NSG2: variants seen among roughly 807,000 people sequenced by gnomAD.
NSG2 encodes neuronal vesicle trafficking-associated protein 2.
NSG2 carries 4 observed loss-of-function variants against 16.9 expected under a neutral mutation model. The observed-to-expected ratio is 0.24, with a 90% CI of 0.12 to 0.54. NSG2 has a LOEUF of 0.54. NSG2 is among the 20% of genes least tolerant of loss of function. The pLI is 0.95. For synonymous variants in NSG2, 98 were observed against 88.7 expected (o/e 1.11, Z -0.59); for missense variants, 179 against 221.1 (o/e 0.81, Z 1.21).
intron 3 of NSG2, among the ~76,000 whole-genome samples, chr5:174,069,432 T>G (rs1393010542): frequency 1.3e-5 from 2 of 152,114 alleles, no homozygotes; most frequent in Non-Finnish European, 2.9e-5. Flanking sequence ...ACAGCTGTCC[T>G]CCAGGGAGAT....
chr5:174,078,848 C>A (rs1760393511), intron 3 of NSG2, among the ~76,000 whole-genome samples: 1 of 152,162 alleles, frequency 6.6e-6, no homozygotes, highest in African/African-American at 2.4e-5. Flanking sequence ...TCTTAGGTCT[C>A]TCAACTTTCA....
At chr5:174,047,578 TA>T (rs953635730) in intron 2 of NSG2, among the ~76,000 whole-genome samples, 2 of 152,182 alleles carry the variant, frequency 1.3e-5, no homozygotes, top group Non-Finnish European at 2.9e-5. Flanking sequence ...AAGGCATTTT[TA>T]AGGCAAAGGG....
In NSG2 at chr5:174,107,431, C is replaced by T. The variant is rs750816400; in HGVS notation, c.442C>T (p.Arg148Trp). 6.2e-6 allele frequency: 10 copies of T among 1,612,898 alleles called. No homozygotes were observed. Among genetic ancestry groups the T allele is most frequent in the East Asian group, 2.2e-5 (1 of 44,832 alleles). The change falls in exon 5 of 5, where the codon CGG (arginine) becomes TGG (tryptophan). Residue 148 changes from arginine to tryptophan, a missense_variant. Arg to Trp is a moderately radical substitution (Grantham distance 101). Transcript: ENST00000303177. The surrounding 1 kb of genome is among the most constrained non-coding windows in gnomAD (Gnocchi z 4.5). ...HYSVAKQSTA[R>W]AIGPWLSAAA... ...CAGCGTGGCCAAGCAGAGCACTGCC[C>T]GGGCCATCGGGCCGTGGCTGTCAGC...
intron 3 of NSG2, among the ~76,000 whole-genome samples, chr5:174,084,671 A>G (rs1008114761): frequency 2.0e-5 from 3 of 152,240 alleles, no homozygotes; most frequent in Admixed American, 2.0e-4. Flanking sequence ...AGAGCTTTGC[A>G]TAAAGGAAGA....
In NSG2 at chr5:174,088,943, C is replaced by G. The variant is rs118134932; in HGVS notation, c.214-15285C>G. Among the ~76,000 whole-genome samples, 58 of 152,272 alleles carry G rather than the reference C, an allele frequency of 3.8e-4. No homozygotes were observed. In the East Asian group the frequency reaches 4.1e-3, roughly 11 times the overall value. On this transcript the variant is annotated intron_variant, in intron 3 of 4. Coordinates refer to ENST00000303177, the MANE Select transcript of NSG2 (RefSeq NM_015980.5). ...GGTGAAGTCACAGTGAAACATACTT[C>G]CTGGCCTGGGAACATGTGGGCTTTG...
intron 3 of NSG2, among the ~76,000 whole-genome samples, chr5:174,097,851 G>T (rs970200373): frequency 6.6e-6 from 1 of 151,626 alleles, no homozygotes; most frequent in Non-Finnish European, 1.5e-5. Context: ...GTCTGTGTGT[G>T]TGTGTGTGTG....
chr5:174,068,135 G>A (rs1283181208), intron 3 of NSG2, among the ~76,000 whole-genome samples: 1 of 152,194 alleles, frequency 6.6e-6, no homozygotes, highest in Non-Finnish European at 1.5e-5. Context: ...CTTGGAAACT[G>A]CAAAGGTGCA....
chr5:174,077,389 G>A (rs959906830), intron 3 of NSG2, among the ~76,000 whole-genome samples: 1 of 151,976 alleles, frequency 6.6e-6, no homozygotes, highest in Non-Finnish European at 1.5e-5. Context: ...GATCATTAGG[G>A]TAAAATCTGA....
At chr5:174,096,952 G>A (rs1040531897) in intron 3 of NSG2, among the ~76,000 whole-genome samples, 3 of 152,198 alleles carry the variant, frequency 2.0e-5, no homozygotes, top group African/African-American at 4.8e-5. Flanking sequence ...CTTACCAACT[G>A]GGGAACCTTG....
intron 2 of NSG2, among the ~76,000 whole-genome samples, chr5:174,049,854 T>C (rs1759861707): frequency 6.6e-6 from 1 of 152,244 alleles, no homozygotes. Context: ...TTCCCTGACA[T>C]GAGAACAGAT....
chr5:174,049,931 A>G (rs1759862602), intron 2 of NSG2, among the ~76,000 whole-genome samples: 1 of 152,204 alleles, frequency 6.6e-6, no homozygotes. Context: ...TGTCCAGATG[A>G]CCAGCAAGGA....
At chr5:174,062,468 AAAT>A (rs1224850033) in intron 2 of NSG2, 3 of 152,184 alleles carry the variant, frequency 2.0e-5, no homozygotes, top group African/African-American at 7.2e-5. Context: ...GGTAGGAAGA[AAAT>A]AAAAATAACA....
intron 2 of NSG2, among the ~76,000 whole-genome samples, chr5:174,054,468 G>A (rs1759937057): frequency 6.6e-6 from 1 of 152,116 alleles, no homozygotes. Context: ...CTGCAGTCGC[G>A]AACTCTTGGG....
rs1464817404 is a variant in NSG2 at position 174,090,171 on chromosome 5, A to G, written c.214-14057A>G. On this transcript the variant is annotated intron_variant, in intron 3 of 4. Transcript: ENST00000303177. ...ACCAGGAGGACTCACAGCACTCAGC[A>G]TATGGCTGTATGCATGGCTGTGATC... is the stretch of plus-strand genomic sequence containing the variant. 2.0e-5 allele frequency among the ~76,000 whole-genome samples: 3 copies of G among 152,196 alleles called. No individual in the cohort carries two copies. The East Asian group carries it at 5.8e-4, about 29-fold the overall frequency.
At chr5:174,061,463 G>T (rs1277496625) in intron 2 of NSG2, among the ~76,000 whole-genome samples, 1 of 152,204 alleles carries the variant, frequency 6.6e-6, no homozygotes, top group Non-Finnish European at 1.5e-5. Flanking sequence ...TATTCGCATT[G>T]CAGTTCACAT....
rs1407936207 is a variant in NSG2 at position 174,080,511 on chromosome 5, CCCTCTTTCTTTCTT to C, written c.213+16197_213+16210del. ...TCTTTCTTTCCCTCTTTCTTTCTTT[CCCTCTTTCTTTCTT>C]TCTCTCTCTCTCTCTCTCTCTCTCT... On this transcript the variant is annotated intron_variant, in intron 3 of 4. Transcript: ENST00000303177. Among the ~76,000 whole-genome samples the C allele has an allele frequency of 1.9e-3, 249 of 134,000 alleles. 1 individual carries two copies. The highest frequency in any genetic ancestry group is 0.014 in the East Asian group (67 of 4,962). The allele number at this position is 134,000 out of a possible 152,430, so 87.9% of individuals were successfully genotyped here.
chr5:174,077,551 G>A (rs563884199), intron 3 of NSG2, among the ~76,000 whole-genome samples: 7 of 152,152 alleles, frequency 4.6e-5, no homozygotes, highest in Non-Finnish European at 8.8e-5. Context: ...TTTCTACTCC[G>A]AATGCTTTTC....
intron 3 of NSG2, among the ~76,000 whole-genome samples, chr5:174,092,186 G>A (rs981923130): frequency 6.6e-6 from 1 of 152,260 alleles, no homozygotes; most frequent in African/African-American, 2.4e-5. Flanking sequence ...CTCTTTAGAT[G>A]GTTCTGATGC....
chr5:174,051,080 A>C (rs1205162762), intron 2 of NSG2, among the ~76,000 whole-genome samples: 1 of 152,164 alleles, frequency 6.6e-6, no homozygotes, highest in African/African-American at 2.4e-5. Flanking sequence ...ACCTACCTGC[A>C]GCAGCGGTGC....
Sources: gnomAD v4.1 joint callset for allele counts (sites outside exome capture counted in the v4.1 genomes callset) on GRCh38, gnomAD v4.1.1 for gene constraint, Gnocchi (gnomAD v3.1) non-coding constraint, MANE v1.5 for transcripts, NCBI Gene and HGNC (gene_info 2026-07-23, HGNC 2026-07-21) for gene names.